Variants in ZNF385D observed in about 807,000 individuals in gnomAD.
ZNF385D encodes the protein zinc finger protein 659.
ZNF385D carries 15 observed loss-of-function variants against 35.8 expected under a neutral mutation model. That is an observed-to-expected ratio of 0.42 (90% confidence interval 0.28 to 0.64). ZNF385D has a LOEUF of 0.64. Ranked by LOEUF, ZNF385D falls within the 30% of genes least tolerant of loss-of-function variation. The pLI, the probability that ZNF385D is intolerant of heterozygous loss-of-function variation, is 0.23. For synonymous variants in ZNF385D, 212 were observed against 186.8 expected, an observed-to-expected ratio of 1.13 and a Z score of -1.10; for missense variants, 474 against 494.6, an observed-to-expected ratio of 0.96 and a Z score of 0.39.
At chr3:21,551,535 A>G (rs1027510175) in intron 3 of ZNF385D, among the ~76,000 whole-genome samples, 2 of 152,224 alleles carry the variant, frequency 1.3e-5, no homozygotes, top group African/African-American at 4.8e-5. Context: ...TGAATCATTG[A>G]GTATCCATTC....
intron 3 of ZNF385D, among the ~76,000 whole-genome samples, chr3:21,804,818 G>T (rs1385691925): frequency 1.3e-5 from 2 of 151,944 alleles, no homozygotes; most frequent in South Asian, 2.1e-4. Context: ...TAGTTCAAAG[G>T]CTATTTAATA....
intron 2 of ZNF385D, among the ~76,000 whole-genome samples, chr3:21,597,175 A>G (rs2064150425): frequency 6.6e-6 from 1 of 152,226 alleles, no homozygotes; most frequent in Admixed American, 6.5e-5. Context: ...TCAACCAATT[A>G]TAATTTACAA....
intron 3 of ZNF385D, among the ~76,000 whole-genome samples, chr3:21,978,016 C>T (rs1703744613): frequency 6.6e-6 from 1 of 152,160 alleles, no homozygotes; most frequent in Non-Finnish European, 1.5e-5. Context: ...CTAGATACAC[C>T]AGATATTAAT....
chr3:21,634,320 G>C (rs1003022177), intron 2 of ZNF385D, among the ~76,000 whole-genome samples: 5 of 149,718 alleles, frequency 3.3e-5, no homozygotes, highest in African/African-American at 4.9e-5. Context: ...AGGGAGAAAG[G>C]AAAGAGGAAG....
intron 1 of ZNF385D, among the ~76,000 whole-genome samples, chr3:21,699,341 GGT>G (rs2067589052): frequency 6.6e-6 from 1 of 152,038 alleles, no homozygotes; most frequent in Non-Finnish European, 1.5e-5. Context: ...CCTGTCAGGG[GGT>G]GAGGGGCTAG....
At chr3:22,296,020 C>T (rs890893590) in intron 2 of ZNF385D, among the ~76,000 whole-genome samples, 18 of 152,120 alleles carry the variant, frequency 1.2e-4, no homozygotes, top group African/African-American at 4.3e-4. Context: ...TCACCTATAA[C>T]CTTTGCATGG....
chr3:21,929,694 T>C (rs1184862600), intron 3 of ZNF385D, among the ~76,000 whole-genome samples: 1 of 151,894 alleles, frequency 6.6e-6, no homozygotes, highest in Non-Finnish European at 1.5e-5. Context: ...AAGAAAACAA[T>C]TCCAGTCACA....
intron 2 of ZNF385D, among the ~76,000 whole-genome samples, chr3:22,303,531 GT>G (rs1219559961): frequency 2.6e-5 from 4 of 152,078 alleles, no homozygotes; most frequent in Non-Finnish European, 5.9e-5. Context: ...GCTTGTCTAT[GT>G]ATTCTAAATG....
At position 21,583,608 on chromosome 3, in the gene ZNF385D, C is replaced by T. The variant is rs533093272; in HGVS notation, c.166-18924G>A. On this transcript the variant is annotated intron_variant, in intron 2 of 7. Coordinates refer to ENST00000281523, the MANE Select transcript of ZNF385D (RefSeq NM_024697.3). ...ATGCTAATATATTTAAATCTCTAGG[C>T]GCTAAGAAAGATGAGAATTTAATAT... Among the ~76,000 whole-genome samples the T allele has an allele frequency of 7.2e-5, 11 of 152,084 alleles. No homozygotes were observed. In the South Asian group the frequency reaches 1.7e-3, roughly 23 times the overall value.
In ZNF385D at chr3:21,812,317, C is replaced by A. The variant is rs540323824; in HGVS notation, c.326-147289G>T. On this transcript the variant is annotated intron_variant, in intron 3 of 5. Coordinates refer to the ZNF385D transcript ENST00000494108. ...AGATGGGTGATTTCTGAATTTCCAACTGAGGTACCTGGTTCATCTCACTGG... is the reference window on the plus strand; with the variant it reads ...AGATGGGTGATTTCTGAATTTCCAAATGAGGTACCTGGTTCATCTCACTGG... Among the ~76,000 whole-genome samples, 4 of 152,366 alleles carry A rather than the reference C, an allele frequency of 2.6e-5. No homozygotes were observed. In the East Asian group the frequency reaches 7.7e-4, roughly 29 times the overall value.
At chr3:22,132,550 T>C (rs1258720034) in intron 3 of ZNF385D, among the ~76,000 whole-genome samples, 3 of 152,096 alleles carry the variant, frequency 2.0e-5, no homozygotes, top group African/African-American at 7.2e-5. Context: ...ATGCAAAAAA[T>C]TAGCCCAAAT....
intron 1 of ZNF385D, among the ~76,000 whole-genome samples, chr3:21,735,225 T>C (rs554740578): frequency 9.9e-5 from 15 of 152,266 alleles, no homozygotes; most frequent in Admixed American, 8.5e-4. Flanking sequence ...GTTTTTTAAA[T>C]CTGTAAAATG....
chr3:22,159,945 T>C (rs985456973), intron 3 of ZNF385D, among the ~76,000 whole-genome samples: 1 of 152,006 alleles, frequency 6.6e-6, no homozygotes, highest in African/African-American at 2.4e-5. Context: ...CAAAATCTCA[T>C]CTTGAATTGT....
intron 3 of ZNF385D, among the ~76,000 whole-genome samples, chr3:21,883,229 T>G (rs1346470749): frequency 6.6e-6 from 1 of 152,006 alleles, no homozygotes; most frequent in Non-Finnish European, 1.5e-5. Flanking sequence ...GATTATTTGA[T>G]CTGTAAGAAT....
intron 3 of ZNF385D, chr3:21,849,737 C>T (rs1218008881): frequency 6.7e-6 from 1 of 148,336 alleles, no homozygotes; most frequent in Non-Finnish European, 1.5e-5. Context: ...ATTTGAGAAA[C>T]TTATGTTTTT....
At chr3:21,993,829 G>T (rs911991185) in intron 3 of ZNF385D, among the ~76,000 whole-genome samples, 1 of 152,090 alleles carries the variant, frequency 6.6e-6, no homozygotes, top group Non-Finnish European at 1.5e-5. Flanking sequence ...TAATGTTTCA[G>T]TGTTTCTGCC....
intron 3 of ZNF385D, among the ~76,000 whole-genome samples, chr3:22,160,710 ACT>A (rs1391025124): frequency 6.6e-6 from 1 of 152,086 alleles, no homozygotes; most frequent in East Asian, 1.9e-4. Context: ...ACACCAAAAG[ACT>A]CTAGAATACT....
chr3:22,109,939 T>G (rs1432750259), intron 3 of ZNF385D, among the ~76,000 whole-genome samples: 1 of 151,662 alleles, frequency 6.6e-6, no homozygotes, highest in Non-Finnish European at 1.5e-5. Flanking sequence ...TCAAACAAAT[T>G]TACAAGAAAA....
At chr3:21,763,257 G>A (rs1368429704) in intron 3 of ZNF385D, among the ~76,000 whole-genome samples, 1 of 152,116 alleles carries the variant, frequency 6.6e-6, no homozygotes, top group African/African-American at 2.4e-5. Flanking sequence ...GAGTAACAGT[G>A]ATGGCTCCGA....
Sources: allele counts gnomAD v4.1 joint callset (sites outside exome capture counted in the v4.1 genomes callset), GRCh38; gene constraint gnomAD v4.1.1; transcripts MANE v1.5; gene names NCBI Gene and HGNC (gene_info 2026-07-23, HGNC 2026-07-21).